Variants in ABCA12 observed in about 807,000 individuals in gnomAD.
ABCA12 encodes ATP binding cassette subfamily A member 12.
ABCA12 carries 156 observed loss-of-function variants against 293.5 expected under a neutral mutation model. That is an observed-to-expected ratio of 0.53 (90% CI 0.47 to 0.61). The LOEUF is 0.61. Among genes scored for constraint, ABCA12 ranks in the 20% least tolerant of loss-of-function variants. The pLI is 0.00. For missense variants in ABCA12, 2,797 were observed against 3,090.2 expected (o/e 0.91, Z 2.25); for synonymous variants, 1,063 against 1,108.0 (o/e 0.96, Z 0.81).
chr2:215,080,431 A>G (rs948127326), intron 2 of ABCA12, among the ~76,000 whole-genome samples: 3 of 151,962 alleles, frequency 2.0e-5, no homozygotes, highest in Admixed American at 1.3e-4. Context: ...TGAACCCAGG[A>G]GGCGGAGGTT....
rs765121801 is a variant in ABCA12 at position 214,948,588 on chromosome 2, G to C, written c.7104+8C>G. 1 of 1,613,712 alleles carries C rather than the reference G, an allele frequency of 6.2e-7. No individual in the cohort carries two copies. Among genetic ancestry groups the C allele is most frequent in the Non-Finnish European group, 8.5e-7 (1 of 1,179,714 alleles). On this transcript the variant is annotated splice_region_variant and intron_variant, in intron 47 of 52. Transcript: ENST00000272895. ...TCAAATTAAGTAATTTTTCACACTT[G>C]TACTCACTTCTTTAATATCCTTTTC...
chr2:214,958,716 A>G (rs2105937365), intron 40 of ABCA12, among the ~76,000 whole-genome samples: 1 of 152,250 alleles, frequency 6.6e-6, no homozygotes, highest in Non-Finnish European at 1.5e-5. Flanking sequence ...GAGTCTATGC[A>G]AGGGATATAT....
In ABCA12 at chr2:215,008,231, ATGTT is replaced by A. The variant is rs1700295745; in HGVS notation, c.2473-389_2473-386del. On this transcript the variant is annotated intron_variant, in intron 18 of 52. Coordinates refer to ENST00000272895, the MANE Select transcript of ABCA12 (RefSeq NM_173076.3). ...TCTCACGTATTGCTGCTGAGAATAG[ATGTT>A]AGAGGTTTTTGGAAAGCAATTTGAC... Among the ~76,000 whole-genome samples, 9 of 152,342 alleles carry A rather than the reference ATGTT, an allele frequency of 5.9e-5. No homozygotes were observed. The South Asian group carries it at 1.9e-3, about 32-fold the overall frequency.
Position 214,973,825 on chromosome 2 carries a change from C to A in ABCA12, c.5562+124G>T, listed in dbSNP as rs62204078. The A allele has an allele frequency of 8.5e-6, 7 of 824,662 alleles. No individual in the cohort carries two copies. The East Asian group carries it at 1.8e-4, about 22-fold the overall frequency. The allele number at this position is 824,662 out of a possible 1,614,324, so 51.1% of individuals were successfully genotyped here. On this transcript the variant is annotated intron_variant, in intron 36 of 52. Coordinates refer to ENST00000272895, the MANE Select transcript of ABCA12 (RefSeq NM_173076.3). ...TTTTGAGCTGCCCAGATCCATATTT[C>A]TGAGCTACTAGCTTCCATAAAATGA...
chr2:215,114,006 T>C (rs993004865), intron 1 of ABCA12, among the ~76,000 whole-genome samples: 10 of 152,172 alleles, frequency 6.6e-5, no homozygotes, highest in African/African-American at 1.7e-4. Flanking sequence ...GATGGAGTCT[T>C]GCTCTGTCGC....
intron 14 of ABCA12, 190 bp downstream of exon 14, chr2:215,017,818 T>A (rs2106011054): frequency 1.5e-6 from 1 of 678,594 alleles, no homozygotes; most frequent in Non-Finnish European, 2.5e-6. Context: ...AAGGGACACA[T>A]AGTGATAAAA....
At chr2:214,998,237 T>C (rs1559138194) in intron 22 of ABCA12, among the ~76,000 whole-genome samples, 1 of 152,240 alleles carries the variant, frequency 6.6e-6, no homozygotes, top group East Asian at 1.9e-4. Context: ...ACTGTATTTA[T>C]AGCTACTCTT....
intron 2 of ABCA12, among the ~76,000 whole-genome samples, chr2:215,103,382 C>A (rs768970512): frequency 1.5e-4 from 23 of 149,736 alleles, no homozygotes; most frequent in Non-Finnish European, 1.8e-4. Flanking sequence ...AATTATCCTG[C>A]CTCAGCCTAC....
Position 215,026,813 on chromosome 2 carries a change from G to A in ABCA12, c.1180+7C>T, listed in dbSNP as rs1181639826. 1.9e-6 allele frequency: 3 copies of A among 1,580,224 alleles called. No individual in the cohort carries two copies. Among genetic ancestry groups the A allele is most frequent in the South Asian group, 2.2e-5 (2 of 90,390 alleles). On this transcript the variant is annotated splice_region_variant and intron_variant, in intron 10 of 52. Coordinates refer to ENST00000272895, the MANE Select transcript of ABCA12 (RefSeq NM_173076.3). ...AGCAGCATTTTGACTGTTAAGAACA[G>A]TATTACCTGGTGAACCTCTGGCCAA...
rs749307994 is a variant in ABCA12, at chr2:214,970,354, G to A, written c.5609C>T (p.Ser1870Leu). The A allele has an allele frequency of 5.0e-6, 8 of 1,613,056 alleles. No individual in the cohort carries two copies. The African/African-American group carries it at 6.7e-5, about 13-fold the overall frequency. The change falls in exon 37 of 53, where the codon TCA (serine) becomes TTA (leucine). Residue 1870 changes from serine to leucine, a missense_variant. Around this residue, in one of 3 missense-constraint regions of ABCA12, gnomAD observed 2,130 missense variants for 2,427.0 expected, o/e 0.88. Coordinates refer to ENST00000272895, the MANE Select transcript of ABCA12 (RefSeq NM_173076.3). ...AGTGAGGTTATAAATTACCTGGGAT[G>A]AGTAAGTTCTTCTGTGCGGTGGGGA... is the stretch of plus-strand genomic sequence containing the variant. The part of the protein sequence containing the change: ...NYSPPHRRTY[S>L]SQVIYNLTGQ...
rs773471144 is a variant in ABCA12 at position 214,982,374 on chromosome 2, T to C, written c.4392A>G (p.Lys1464=). 25 of 1,613,600 alleles carry C rather than the reference T, an allele frequency of 1.5e-5. No individual in the cohort carries two copies. Among genetic ancestry groups the C allele is most frequent in the Admixed American group, 1.2e-4 (7 of 59,994 alleles). The change falls in exon 30 of 53, where the codon AAA becomes AAG. Residue 1464 remains lysine, a synonymous_variant. Coordinates refer to ENST00000272895, the MANE Select transcript of ABCA12 (RefSeq NM_173076.3). ...GACGATGGCTATATAGTCCAGTATC[T>C]TTTAAAGTCCTTCAAAAATAATGTA... ...QLHEEVKRTL[K]DTGLYSHRHK...
At chr2:215,124,179 T>C (rs1476343684) in intron 1 of ABCA12, among the ~76,000 whole-genome samples, 1 of 152,194 alleles carries the variant, frequency 6.6e-6, no homozygotes, top group Admixed American at 6.5e-5. Flanking sequence ...TTGATGGGCA[T>C]TTGGGTTGGT....
intron 2 of ABCA12, among the ~76,000 whole-genome samples, chr2:215,106,516 A>G (rs1438672836): frequency 6.6e-6 from 1 of 152,204 alleles, no homozygotes; most frequent in African/African-American, 2.4e-5. Context: ...GCTCCAGCAC[A>G]TAATAACCAT....
chr2:215,036,724 A>C (rs1701002191), intron 8 of ABCA12, among the ~76,000 whole-genome samples: 1 of 152,030 alleles, frequency 6.6e-6, no homozygotes, highest in Non-Finnish European at 1.5e-5. Flanking sequence ...AAGCTAACAG[A>C]GATCATTTTC....
chr2:215,004,291 T>G lies in ABCA12; in HGVS notation c.2601A>C (p.Leu867=). ...NQAIPMLQNT[L]RNPFVQVFVK... is the part of the protein sequence containing the mutation. ...CAAAAACTTGCACAAAAGGGTTCCT[T>G]AGAGTATTCTAACAAATAATAATTA... The change falls in exon 20 of 53, where the codon CTA becomes CTC. Residue 867 remains leucine (L), a synonymous_variant. Coordinates refer to ENST00000272895, the MANE Select transcript of ABCA12 (RefSeq NM_173076.3). 1 of 1,610,186 alleles carries G rather than the reference T, an allele frequency of 6.2e-7. No homozygotes were observed. Among genetic ancestry groups the G allele is most frequent in the Non-Finnish European group, 8.5e-7 (1 of 1,177,234 alleles).
chr2:215,103,267 CTTTTT>C (rs72000528), intron 2 of ABCA12, among the ~76,000 whole-genome samples: 2 of 122,404 alleles, frequency 1.6e-5, no homozygotes, highest in South Asian at 2.5e-4. Flanking sequence ...AAATTTCTTT[CTTTTT>C]TTTTTTTTTT....
intron 2 of ABCA12, among the ~76,000 whole-genome samples, chr2:215,065,849 T>C (rs945475596): frequency 6.6e-6 from 1 of 151,976 alleles, no homozygotes; most frequent in Non-Finnish European, 1.5e-5. Context: ...AAAAAAATAG[T>C]TTAAAAATTA....
chr2:214,987,634 C>T lies in ABCA12; in HGVS notation c.3976+13G>A, dbSNP rs779414903. On this transcript the variant is annotated intron_variant, in intron 27 of 52. Coordinates refer to ENST00000272895, the MANE Select transcript of ABCA12 (RefSeq NM_173076.3). ...TCTCATAACAAAGCACGCTGTTGAC[C>T]GACTTGTCTTACTGGCAGATGGGTT... 39 of 1,607,102 alleles carry T rather than the reference C, an allele frequency of 2.4e-5. No homozygotes were observed. Among genetic ancestry groups the T allele is most frequent in the Non-Finnish European group, 3.1e-5 (37 of 1,174,894 alleles).
intron 4 of ABCA12, among the ~76,000 whole-genome samples, chr2:215,053,198 G>T (rs2106059074): frequency 6.6e-6 from 1 of 152,164 alleles, no homozygotes; most frequent in African/African-American, 2.4e-5. Context: ...ATGTGGCAGA[G>T]TTTTCTGGGT....
Sources: gnomAD v4.1 joint callset for allele counts (sites outside exome capture counted in the v4.1 genomes callset) on GRCh38, gnomAD v4.1.1 for gene constraint, gnomAD v4.1.1 regional missense constraint, MANE v1.5 for transcripts, NCBI Gene and HGNC (gene_info 2026-07-23, HGNC 2026-07-21) for gene names.